The following CALCOCO2 variants were observed in gnomAD, a reference collection of about 807,000 sequenced individuals.
CALCOCO2 encodes calcium-binding and coiled-coil domain-containing protein 2.
In CALCOCO2, 42 loss-of-function variants were observed where a neutral mutation model predicts 62.5. The ratio of observed to expected loss-of-function variants is 0.67; its 90% confidence interval spans 0.53 to 0.87. The LOEUF is 0.87. CALCOCO2 is among the 40% of genes least tolerant of loss of function. CALCOCO2 has a pLI of 0.00. For synonymous variants in CALCOCO2, 167 were observed against 173.0 expected (o/e 0.97, Z 0.27); for missense variants, 456 against 515.0 (o/e 0.89, Z 1.11).
chr17:48,841,139 A>T (rs73989215), intron 1 of CALCOCO2, among the ~76,000 whole-genome samples: 4,146 of 152,316 alleles, frequency 0.027, 197 homozygotes, highest in African/African-American at 0.095. Context: ...TGAAGCTGGA[A>T]TTTGAACGCC....
At chr17:48,834,106 C>CAAAAAAAAA (rs59633969) in intron 1 of CALCOCO2, among the ~76,000 whole-genome samples, 1 of 69,790 alleles carries the variant, frequency 1.4e-5, no homozygotes, top group African/African-American at 4.7e-5. Flanking sequence ...GACCCTATGT[C>CAAAAAAAAA]AAAAAAAAAA....
chr17:48,832,121 G>A (rs62066475), intron 1 of CALCOCO2, among the ~76,000 whole-genome samples: 52,100 of 152,172 alleles, frequency 0.34, 11,209 homozygotes, highest in Non-Finnish European at 0.49. Context: ...GACTAGGCGC[G>A]GTGGCTCACG....
In CALCOCO2 at chr17:48,856,167, A is replaced by C. The variant is rs769766376; in HGVS notation, c.988A>C (p.Arg330=). 15 of 1,595,006 alleles carry C rather than the reference A, an allele frequency of 9.4e-6. No homozygotes were observed. In the African/African-American group the frequency reaches 2.0e-4, roughly 21 times the overall value. ...ICNALQRQKE[R]LEGENDLLKR... ...TAATGCTCTGCAGAGACAGAAAGAG[A>C]GATTGGAAGGAGAAAATGATGTAAG... Residue 330 remains arginine (R), a synonymous_variant, in exon 10 of 13, where the codon AGA becomes CGA. Coordinates refer to ENST00000258947, the MANE Select transcript of CALCOCO2 (RefSeq NM_005831.5).
Position 48,860,375 on chromosome 17 carries a change from C to T in CALCOCO2, c.1070C>T (p.Pro357Leu), listed in dbSNP as rs369142528. 9.3e-6 allele frequency: 15 copies of T among 1,612,944 alleles called. No homozygotes were observed. Among genetic ancestry groups the T allele is most frequent in the African/African-American group, 8.0e-5 (6 of 74,866 alleles). Residue 357 changes from proline (P) to leucine (L), a missense_variant, in exon 11 of 13, where the codon CCG becomes CTG. Pro to Leu is a moderately conservative substitution (Grantham distance 98). Around this residue, in one of 3 missense-constraint regions of CALCOCO2, gnomAD observed 172 missense variants for 210.3 expected, o/e 0.82. Coordinates refer to ENST00000258947, the MANE Select transcript of CALCOCO2 (RefSeq NM_005831.5). Reference sequence around the variant, plus strand: ...ATGGGTCTGGATTTTAATTCTTTGCCGTATCAAGTACCTACTTCAGATGAA... The same window carrying T: ...ATGGGTCTGGATTTTAATTCTTTGCTGTATCAAGTACCTACTTCAGATGAA... ...SYMGLDFNSLPYQVPTSDEGG... is the reference protein window; with the variant it reads ...SYMGLDFNSLLYQVPTSDEGG...
intron 12 of CALCOCO2, 66 bp downstream of exon 12, chr17:48,862,370 C>T: frequency 1.9e-6 from 2 of 1,057,762 alleles, no homozygotes; most frequent in Non-Finnish European, 3.0e-6. Context: ...TGCTCCAGTT[C>T]ATGGGAGAAC....
chr17:48,858,026 ATAG>A lies in CALCOCO2; in HGVS notation c.1008+1840_1008+1842del, dbSNP rs1371618940. ...ATAGAATAGAATAGAATAGAATAGA[ATAG>A]AATAGAATAGAATAGAAAATAGAAT... is the stretch of plus-strand genomic sequence containing the variant. On this transcript the variant is annotated intron_variant, in intron 10 of 12. Coordinates refer to ENST00000258947, the MANE Select transcript of CALCOCO2 (RefSeq NM_005831.5). Among the ~76,000 whole-genome samples the A allele has an allele frequency of 1.4e-3, 22 of 16,254 alleles. No individual in the cohort carries two copies. In the South Asian group the frequency reaches 0.015, roughly 11 times the overall value. 10.7% of individuals were successfully genotyped at this position (16,254 alleles called of 152,430 possible).
rs1417794645 is a variant in CALCOCO2, at chr17:48,849,319, G to A, written c.485G>A (p.Ser162Asn). Residue 162 changes from serine to asparagine, a missense_variant, in exon 5 of 13, where the codon AGC becomes AAC. Physicochemically the swap from Ser to Asn is conservative, Grantham distance 46 (BLOSUM62 1). Around this residue, in one of 3 missense-constraint regions of CALCOCO2, gnomAD observed 236 missense variants for 225.3 expected, o/e 1.05. Coordinates refer to ENST00000258947, the MANE Select transcript of CALCOCO2 (RefSeq NM_005831.5). ...AAAGAAAACCAGGAGCTGAAGGACA[G>A]CTGTATCAGCCTCCAGAAGCAGAAC... is the stretch of plus-strand genomic sequence containing the variant. Reference protein sequence around the residue: ...LCKENQELKDSCISLQKQNSD... With the variant: ...LCKENQELKDNCISLQKQNSD... The A allele has an allele frequency of 1.2e-6, 2 of 1,613,512 alleles. No homozygotes were observed. The highest frequency in any genetic ancestry group is 1.7e-6 in the Non-Finnish European group (2 of 1,179,608).
intron 2 of CALCOCO2, among the ~76,000 whole-genome samples, chr17:48,845,320 GGTGTGTGT>G (rs55686005): frequency 2.1e-4 from 29 of 137,254 alleles, no homozygotes; most frequent in South Asian, 4.7e-4. Flanking sequence ...CTATGTTGAG[GGTGTGTGT>G]GTGTGTGTGT....
chr17:48,857,834 G>A lies in CALCOCO2; in HGVS notation c.1008+1647G>A, dbSNP rs181337308. Among the ~76,000 whole-genome samples the A allele has an allele frequency of 3.0e-4, 44 of 148,858 alleles. No individual in the cohort carries two copies. In the East Asian group the frequency reaches 4.1e-3, roughly 14 times the overall value. Reference sequence around the variant, plus strand: ...CTAAAAATACAAAAAAAAAATTAGCGAGCTTGGTGGCAGGCGCCTATAGTC... The same window carrying A: ...CTAAAAATACAAAAAAAAAATTAGCAAGCTTGGTGGCAGGCGCCTATAGTC... On this transcript the variant is annotated intron_variant, in intron 10 of 12. Transcript: ENST00000258947.
intron 12 of CALCOCO2, 66 bp from the exon 13 acceptor site, chr17:48,862,772 C>A: frequency 7.5e-7 from 1 of 1,335,060 alleles, no homozygotes; most frequent in Non-Finnish European, 1.1e-6. Context: ...CAGTGGAAGA[C>A]AGGATGGCCA....
At chr17:48,856,500 C>T (rs1045767993) in intron 10 of CALCOCO2, 14 of 465,392 alleles carry the variant, frequency 3.0e-5, no homozygotes, top group Admixed American at 2.1e-4. Flanking sequence ...AGGGGAATAA[C>T]GTCCTACATA....
chr17:48,858,068 ATAGAAT>A, intron 10 of CALCOCO2, among the ~76,000 whole-genome samples: 1 of 148,156 alleles, frequency 6.7e-6, no homozygotes, highest in South Asian at 2.2e-4. Flanking sequence ...ATAGAATAGA[ATAGAAT>A]TTTACCATCT....
intron 10 of CALCOCO2, among the ~76,000 whole-genome samples, chr17:48,857,979 G>C (rs1054051101): frequency 1.6e-4 from 3 of 18,782 alleles, no homozygotes; most frequent in Admixed American, 1.2e-3. Flanking sequence ...TACATCAATA[G>C]AATAGAATAG....
At chr17:48,835,120 CAGAA>C (rs944989619) in intron 1 of CALCOCO2, among the ~76,000 whole-genome samples, 1 of 152,096 alleles carries the variant, frequency 6.6e-6, no homozygotes, top group African/African-American at 2.4e-5. Context: ...ACTACTTTGT[CAGAA>C]AGGTAATTTC....
At chr17:48,850,800 C>T (rs958308184) in intron 5 of CALCOCO2, among the ~76,000 whole-genome samples, 9 of 151,852 alleles carry the variant, frequency 5.9e-5, no homozygotes, top group African/African-American at 2.2e-4. Context: ...TGCCTGTAAT[C>T]CCAGCACTTT....
At chr17:48,844,772 C>T (rs1278582807) in intron 2 of CALCOCO2, among the ~76,000 whole-genome samples, 3 of 152,302 alleles carry the variant, frequency 2.0e-5, no homozygotes, top group Non-Finnish European at 2.9e-5. Context: ...CCCACCTCAG[C>T]CTCCCAAAGT....
chr17:48,858,214 T>C (rs1466570590), intron 10 of CALCOCO2, among the ~76,000 whole-genome samples: 1 of 152,042 alleles, frequency 6.6e-6, no homozygotes, highest in East Asian at 1.9e-4. Context: ...TCCCTCACTT[T>C]CTACTTTTGA....
At chr17:48,856,582 C>A (rs2143655004) in intron 10 of CALCOCO2, 1 of 456,534 alleles carries the variant, frequency 2.2e-6, no homozygotes, top group East Asian at 6.9e-5. Context: ...AAACCAGGAG[C>A]AGAAGTGGTG....
intron 1 of CALCOCO2, among the ~76,000 whole-genome samples, chr17:48,838,420 A>G (rs1338459854): frequency 6.6e-6 from 1 of 151,940 alleles, no homozygotes; most frequent in African/African-American, 2.4e-5. Context: ...AATTGGGCAT[A>G]AGACAACATG....
Sources: gnomAD v4.1 joint callset for allele counts (sites outside exome capture counted in the v4.1 genomes callset) on GRCh38, gnomAD v4.1.1 for gene constraint, gnomAD v4.1.1 regional missense constraint, MANE v1.5 for transcripts, NCBI Gene and HGNC (gene_info 2026-07-23, HGNC 2026-07-21) for gene names.